MYT1L: variants seen among roughly 807,000 people sequenced by gnomAD.
MYT1L encodes myelin transcription factor 1 like.
MYT1L carries 12 observed loss-of-function variants against 126.7 expected under a neutral mutation model. The observed-to-expected ratio is 0.09, with a 90% CI of 0.06 to 0.15. The LOEUF is 0.15. Among genes scored for constraint, MYT1L ranks in the 10% least tolerant of loss-of-function variants. The pLI, the probability that MYT1L is intolerant of heterozygous loss-of-function variation, is 1.00. For synonymous variants in MYT1L, 541 were observed against 604.2 expected, an observed-to-expected ratio of 0.90 and a Z score of 1.53; for missense variants, 979 against 1,585.2, an observed-to-expected ratio of 0.62 and a Z score of 6.49.
intron 2 of MYT1L, among the ~76,000 whole-genome samples, chr2:2,264,806 T>C (rs1361901083): frequency 6.6e-6 from 1 of 152,158 alleles, no homozygotes; most frequent in East Asian, 1.9e-4. Context: ...AGGAGAATTA[T>C]GCAACAGGAA....
chr2:1,916,792 T>TG (rs1243440282), intron 11 of MYT1L, among the ~76,000 whole-genome samples: 12 of 152,236 alleles, frequency 7.9e-5, no homozygotes, highest in Admixed American at 6.5e-4. Flanking sequence ...TCCAGATATT[T>TG]GGGCAAGAAA....
rs570481384 is a variant in MYT1L, at chr2:1,967,679, C to T, written c.152+11486G>A. ...GCTGCAGCAGGGACTTCAGGCCTGA[C>T]TGGAGCTGGAGGAAGAAAAGGTCGT... On this transcript the variant is annotated intron_variant, in intron 8 of 24. Transcript: ENST00000647738. 3.9e-5 allele frequency among the ~76,000 whole-genome samples: 6 copies of T among 152,286 alleles called. No homozygotes were observed. The South Asian group carries it at 1.2e-3, about 32-fold the overall frequency.
intron 14 of MYT1L, among the ~76,000 whole-genome samples, chr2:1,897,698 G>A (rs1414816186): frequency 6.6e-6 from 1 of 152,102 alleles, no homozygotes; most frequent in Non-Finnish European, 1.5e-5. Context: ...CCTGACTTCA[G>A]GTGATCTGCC....
At chr2:2,087,479 C>T (rs143749680) in intron 3 of MYT1L, among the ~76,000 whole-genome samples, 32 of 152,282 alleles carry the variant, frequency 2.1e-4, no homozygotes, top group Admixed American at 3.9e-4. Context: ...AGGGGCCCTG[C>T]AGGTTCATCT....
At chr2:2,132,372 T>C (rs554205773) in intron 3 of MYT1L, among the ~76,000 whole-genome samples, 50 of 152,266 alleles carry the variant, frequency 3.3e-4, no homozygotes, top group South Asian at 1.2e-3. Flanking sequence ...ATGTGGTACA[T>C]ATAGACTATG....
At chr2:1,866,567 G>T (rs1419563146) in intron 18 of MYT1L, among the ~76,000 whole-genome samples, 11 of 136,902 alleles carry the variant, frequency 8.0e-5, no homozygotes, top group Non-Finnish European at 1.1e-4. Flanking sequence ...GAGAGGGAAG[G>T]GGAGAGAGAG....
At chr2:2,315,928 C>T (rs1247273200) in intron 1 of MYT1L, among the ~76,000 whole-genome samples, 1 of 152,170 alleles carries the variant, frequency 6.6e-6, no homozygotes, top group Non-Finnish European at 1.5e-5. Context: ...TTTTATTACA[C>T]CTCTCCATTT....
rs35178537 is a variant in MYT1L at position 1,876,484 on chromosome 2, A to AC, written c.2711+10054dup. 5.4e-3 allele frequency among the ~76,000 whole-genome samples: 812 copies of AC among 150,142 alleles called. 6 individuals carry two copies. The highest frequency in any genetic ancestry group is 0.018 in the African/African-American group (715 of 40,666). On this transcript the variant is annotated intron_variant, in intron 18 of 24. Transcript: ENST00000647738. ...CCACACAGCTCCTGCAGGGACCCTGACCCCCCCGTCCATCTGGGGCTCCTG... is the reference window on the plus strand; with the variant it reads ...CCACACAGCTCCTGCAGGGACCCTGACCCCCCCCGTCCATCTGGGGCTCCTG...
At chr2:2,208,450 A>G (rs577448178) in intron 2 of MYT1L, among the ~76,000 whole-genome samples, 1 of 152,256 alleles carries the variant, frequency 6.6e-6, no homozygotes, top group Admixed American at 6.5e-5. Context: ...CTCATGTGCA[A>G]GCAGGTGCAG....
At chr2:2,324,541 G>A (rs1234716179) in intron 1 of MYT1L, 1 of 152,634 alleles carries the variant, frequency 6.6e-6, no homozygotes, top group Admixed American at 6.5e-5. Context: ...AAACTAACAG[G>A]CCTGAAGTCG....
At position 2,216,259 on chromosome 2, in the gene MYT1L, G is replaced by A. The variant is rs574728684; in HGVS notation, c.-420-43271C>T. ...ATACACCAAGGTAGATTATCTTCTG[G>A]GGTGTAACACAAGTCTCAATAAATT... is the stretch of plus-strand genomic sequence containing the variant. On this transcript the variant is annotated intron_variant, in intron 2 of 24. Coordinates refer to ENST00000647738, the MANE Select transcript of MYT1L (RefSeq NM_001303052.2). 2.0e-5 allele frequency among the ~76,000 whole-genome samples: 3 copies of A among 152,108 alleles called. No homozygotes were observed. In the South Asian group the frequency reaches 6.2e-4, roughly 32 times the overall value.
chr2:1,997,901 A>G (rs111705431), intron 4 of MYT1L, among the ~76,000 whole-genome samples: 2,562 of 152,326 alleles, frequency 0.017, 82 homozygotes, highest in African/African-American at 0.058. Context: ...TCATTTGGCC[A>G]TCAATTGAAC....
At chr2:1,990,324 C>T (rs2061362296) in intron 5 of MYT1L, among the ~76,000 whole-genome samples, 1 of 152,230 alleles carries the variant, frequency 6.6e-6, no homozygotes, top group East Asian at 1.9e-4. Context: ...CAGCAGTGCA[C>T]ACTTCCTGAG....
intron 3 of MYT1L, among the ~76,000 whole-genome samples, chr2:2,087,580 T>C (rs552872928): frequency 1.3e-5 from 2 of 152,334 alleles, no homozygotes; most frequent in Admixed American, 1.3e-4. Context: ...AAGGTTGGCT[T>C]TTCAAAAGTA....
At chr2:2,184,248 T>C (rs1559263849) in intron 2 of MYT1L, among the ~76,000 whole-genome samples, 1 of 152,168 alleles carries the variant, frequency 6.6e-6, no homozygotes, top group African/African-American at 2.4e-5. Flanking sequence ...AATATATTCT[T>C]ATTAATGACA....
chr2:2,162,471 G>A (rs2088171830), intron 3 of MYT1L, among the ~76,000 whole-genome samples: 2 of 152,286 alleles, frequency 1.3e-5, no homozygotes, highest in South Asian at 2.1e-4. Flanking sequence ...ACCCCTCAGA[G>A]GGCAGCAGGG....
At chr2:2,250,336 T>C (rs1261748539) in intron 2 of MYT1L, among the ~76,000 whole-genome samples, 1 of 152,070 alleles carries the variant, frequency 6.6e-6, no homozygotes, top group African/African-American at 2.4e-5. Flanking sequence ...TATTCAGCCA[T>C]AAAAAATGAG....
At chr2:2,277,245 C>T (rs974327931) in intron 2 of MYT1L, among the ~76,000 whole-genome samples, 1 of 152,196 alleles carries the variant, frequency 6.6e-6, no homozygotes, top group African/African-American at 2.4e-5. Flanking sequence ...GCTGGGATTA[C>T]AGGCGTGAGC....
chr2:2,127,586 G>C (rs1176169174), intron 3 of MYT1L, among the ~76,000 whole-genome samples: 1 of 152,194 alleles, frequency 6.6e-6, no homozygotes, highest in East Asian at 1.9e-4. Context: ...GTAAGCAGCT[G>C]CTCTTCTGAC....
Sources: gnomAD v4.1 joint callset for allele counts (sites outside exome capture counted in the v4.1 genomes callset) on GRCh38, gnomAD v4.1.1 for gene constraint, MANE v1.5 for transcripts, NCBI Gene and HGNC (gene_info 2026-07-23, HGNC 2026-07-21) for gene names.